The following TASP1 variants were observed in gnomAD, a reference collection of about 807,000 sequenced individuals.
The protein encoded by TASP1 is threonine aspartase 1.
TASP1 carries 16 observed loss-of-function variants against 56.6 expected under a neutral mutation model. The observed-to-expected ratio is 0.28, with a 90% CI of 0.19 to 0.43. TASP1 has a LOEUF of 0.43. Among genes scored for constraint, TASP1 ranks in the 20% least tolerant of loss-of-function variants. TASP1 has a pLI of 1.00. For synonymous variants in TASP1, 179 were observed against 184.2 expected, an observed-to-expected ratio of 0.97 and a Z score of 0.23; for missense variants, 393 against 511.6, an observed-to-expected ratio of 0.77 and a Z score of 2.24.
the TASP1 span, among the ~76,000 whole-genome samples, chr20:13,130,501 G>C: frequency 6.6e-6 from 1 of 152,244 alleles, no homozygotes; most frequent in African/African-American, 2.4e-5. Context: ...CAAGCTACAG[G>C]AATAAGGTCA....
At chr20:13,583,588 T>G (rs563316393) in intron 5 of TASP1, among the ~76,000 whole-genome samples, 8 of 152,338 alleles carry the variant, frequency 5.3e-5, no homozygotes, top group South Asian at 2.1e-4. Context: ...TTGGACAAAC[T>G]ACTAAATCTC....
the TASP1 span, among the ~76,000 whole-genome samples, chr20:13,107,655 A>G: frequency 6.6e-6 from 1 of 152,208 alleles, no homozygotes; most frequent in Non-Finnish European, 1.5e-5. Context: ...CCATTCTTCC[A>G]ATTCTTCTTT....
At chr20:13,436,187 T>A (rs1709263786) in intron 11 of TASP1, among the ~76,000 whole-genome samples, 2 of 151,966 alleles carry the variant, frequency 1.3e-5, no homozygotes, top group Admixed American at 1.3e-4. Context: ...TGCAAAAAGG[T>A]TCAGAAATTG....
At chr20:13,300,473 A>G in the TASP1 span, 2 of 152,276 alleles carry the variant, frequency 1.3e-5, no homozygotes, top group Non-Finnish European at 1.5e-5. Context: ...AACAAAAAAA[A>G]CTGCATTATT....
At chr20:13,172,157 C>T in the TASP1 span, among the ~76,000 whole-genome samples, 38 of 152,072 alleles carry the variant, frequency 2.5e-4, no homozygotes, top group African/African-American at 8.9e-4. Context: ...ATCCCTGAGG[C>T]TGAAACAAAA....
At chr20:13,585,525 A>G (rs1434517327) in intron 5 of TASP1, among the ~76,000 whole-genome samples, 1 of 152,252 alleles carries the variant, frequency 6.6e-6, no homozygotes, top group Non-Finnish European at 1.5e-5. Flanking sequence ...AAAAATCTGC[A>G]AAAGATGCAA....
At chr20:13,163,260 C>T in the TASP1 span, among the ~76,000 whole-genome samples, 1 of 149,856 alleles carries the variant, frequency 6.7e-6, no homozygotes, top group African/African-American at 2.5e-5. Flanking sequence ...CCCAGCTACT[C>T]GAACTGCTGA....
At chr20:13,107,373 A>G in the TASP1 span, among the ~76,000 whole-genome samples, 1 of 152,232 alleles carries the variant, frequency 6.6e-6, no homozygotes, top group Non-Finnish European at 1.5e-5. Context: ...TACTAGAAAT[A>G]GTGGGAAAAG....
the TASP1 span, among the ~76,000 whole-genome samples, chr20:13,349,782 T>A: frequency 6.6e-6 from 1 of 152,228 alleles, no homozygotes; most frequent in Non-Finnish European, 1.5e-5. Flanking sequence ...AAGATCAGCA[T>A]TTAAAAATCA....
the TASP1 span, among the ~76,000 whole-genome samples, chr20:13,203,315 TAA>T: frequency 6.6e-6 from 1 of 152,222 alleles, no homozygotes; most frequent in African/African-American, 2.4e-5. Flanking sequence ...ATAAGCTCGA[TAA>T]TGCCACTACT....
At chr20:13,508,357 C>T (rs559488349) in intron 10 of TASP1, among the ~76,000 whole-genome samples, 1 of 152,148 alleles carries the variant, frequency 6.6e-6, no homozygotes, top group African/African-American at 2.4e-5. Context: ...ACTAGTTGAG[C>T]ATACCTAACC....
the TASP1 span, among the ~76,000 whole-genome samples, chr20:13,138,891 A>C: frequency 2.6e-5 from 4 of 152,216 alleles, no homozygotes; most frequent in African/African-American, 9.6e-5. Context: ...TTTTTCCTTT[A>C]ATTATCAAGC....
the TASP1 span, among the ~76,000 whole-genome samples, chr20:13,109,431 T>C: frequency 2.0e-5 from 3 of 152,194 alleles, no homozygotes; most frequent in African/African-American, 7.2e-5. Flanking sequence ...TGTGTCTCAG[T>C]TTCCTGAACC....
chr20:13,252,416 G>T, the TASP1 span, among the ~76,000 whole-genome samples: 1 of 152,152 alleles, frequency 6.6e-6, no homozygotes, highest in African/African-American at 2.4e-5. Context: ...GGTTCATCGT[G>T]GGGAGGCTTT....
At chr20:13,372,603 T>C in the TASP1 span, among the ~76,000 whole-genome samples, 1 of 151,796 alleles carries the variant, frequency 6.6e-6, no homozygotes, top group Non-Finnish European at 1.5e-5. Flanking sequence ...GCTTTTTTTC[T>C]GGAGAACACT....
intron 1 of TASP1, among the ~76,000 whole-genome samples, chr20:13,637,276 T>C (rs1448475714): frequency 2.0e-5 from 3 of 152,164 alleles, no homozygotes; most frequent in African/African-American, 7.2e-5. Context: ...TCAGAACCCT[T>C]ATAACCTGCT....
chr20:13,431,767 G>T, intron 12 of TASP1, among the ~76,000 whole-genome samples: 1 of 152,176 alleles, frequency 6.6e-6, no homozygotes, highest in East Asian at 1.9e-4. Flanking sequence ...CTGCCCTCAT[G>T]AATGGATTAA....
the TASP1 span, among the ~76,000 whole-genome samples, chr20:13,249,217 T>A: frequency 1.3e-5 from 2 of 152,160 alleles, no homozygotes; most frequent in Admixed American, 1.3e-4. Context: ...TCTTCTGTTC[T>A]CCCCACCACT....
chr20:13,384,712 A>AC (rs899403240), downstream of TASP1, among the ~76,000 whole-genome samples: 8 of 152,302 alleles, frequency 5.3e-5, no homozygotes, highest in Admixed American at 5.2e-4. Context: ...ATAGCCCACT[A>AC]CATTTACCTA....
Sources: allele counts gnomAD v4.1 joint callset (sites outside exome capture counted in the v4.1 genomes callset), GRCh38; gene constraint gnomAD v4.1.1; transcripts MANE v1.5; gene names NCBI Gene and HGNC (gene_info 2026-07-23, HGNC 2026-07-21).